Variants in FNBP1 observed in about 807,000 individuals in gnomAD.
The protein encoded by FNBP1 is formin-binding protein 1.
Under a neutral mutation model 90.6 loss-of-function variants are expected in FNBP1, and 26 were observed. The ratio of observed to expected loss-of-function variants is 0.29; its 90% CI spans 0.21 to 0.40. FNBP1 has a LOEUF of 0.40. Among genes scored for constraint, FNBP1 ranks in the 10% least tolerant of loss-of-function variants. FNBP1 has a pLI of 1.00. For synonymous variants in FNBP1, 260 were observed against 265.2 expected (o/e 0.98, Z 0.19); for missense variants, 635 against 768.0 (o/e 0.83, Z 2.05).
intron 4 of FNBP1, among the ~76,000 whole-genome samples, chr9:129,961,876 G>A (rs1009827129): frequency 6.6e-6 from 1 of 152,084 alleles, no homozygotes; most frequent in African/African-American, 2.4e-5. Context: ...GTGAGCCACC[G>A]TGCCCGGCCC....
At chr9:129,926,628 T>C (rs1302473102) in intron 8 of FNBP1, among the ~76,000 whole-genome samples, 1 of 152,138 alleles carries the variant, frequency 6.6e-6, no homozygotes, top group African/African-American at 2.4e-5. Flanking sequence ...GGTTCACACC[T>C]GTAATCCTAA....
chr9:129,902,481 T>C (rs1399930641), intron 13 of FNBP1, among the ~76,000 whole-genome samples: 1 of 152,100 alleles, frequency 6.6e-6, no homozygotes, highest in East Asian at 1.9e-4. Flanking sequence ...TATGGTGGCA[T>C]GTGCCTGTAA....
At chr9:129,928,186 TTC>T (rs1372633518) in intron 7 of FNBP1, among the ~76,000 whole-genome samples, 3 of 152,340 alleles carry the variant, frequency 2.0e-5, no homozygotes, top group Non-Finnish European at 4.4e-5. Flanking sequence ...TGTCTATCTT[TTC>T]TCATACCATT....
intron 15 of FNBP1, among the ~76,000 whole-genome samples, chr9:129,897,584 G>A (rs574053795): frequency 1.2e-4 from 19 of 152,066 alleles, no homozygotes; most frequent in Admixed American, 3.3e-4. Flanking sequence ...CAACTTTTTC[G>A]TAATTTTATT....
At chr9:130,046,580 C>CAAAA (rs56392821), upstream of FNBP1, among the ~76,000 whole-genome samples, 19 of 66,786 alleles carry the variant, frequency 2.8e-4, no homozygotes, top group South Asian at 1.4e-3. Context: ...ACTAAAAATA[C>CAAAA]AAAAAAAAAA....
At chr9:130,015,817 G>C (rs2057174607) in intron 1 of FNBP1, among the ~76,000 whole-genome samples, 2 of 152,154 alleles carry the variant, frequency 1.3e-5, no homozygotes, top group South Asian at 4.1e-4. Context: ...TGGGACTACA[G>C]GCGCAAGCCA....
At chr9:130,049,865 T>G in the FNBP1 span, among the ~76,000 whole-genome samples, 4 of 152,272 alleles carry the variant, frequency 2.6e-5, no homozygotes, top group Non-Finnish European at 4.4e-5. Flanking sequence ...TTTTCTTTTT[T>G]TGTGTGTGTT....
intron 6 of FNBP1, among the ~76,000 whole-genome samples, chr9:129,940,552 C>T (rs2044168511): frequency 6.6e-6 from 1 of 151,610 alleles, no homozygotes; most frequent in Non-Finnish European, 1.5e-5. Context: ...AATATGAATC[C>T]CAAAACCAAC....
rs1243199194 is a variant in FNBP1, at chr9:129,908,661, T to A, written c.1295+229A>T. ...TCTGCCTCCTGAGTTCAAGCAATTC[T>A]GCTGCCTCAGCCTCCTGAGTAACTG... On this transcript the variant is annotated intron_variant, in intron 12 of 16. Transcript: ENST00000446176. Among the ~76,000 whole-genome samples, 4 of 152,270 alleles carry A rather than the reference T, an allele frequency of 2.6e-5. No homozygotes were observed. In the South Asian group the frequency reaches 8.3e-4, roughly 32 times the overall value.
At chr9:129,960,405 AAAAAGAAAAAG>A in intron 4 of FNBP1, among the ~76,000 whole-genome samples, 1 of 124,230 alleles carries the variant, frequency 8.0e-6, no homozygotes, top group African/African-American at 2.8e-5. Context: ...AAAAAAAAAG[AAAAAGAAAAAG>A]AAAAAGAAAA....
intron 1 of FNBP1, among the ~76,000 whole-genome samples, chr9:130,038,749 T>C (rs947899496): frequency 6.6e-6 from 1 of 152,204 alleles, no homozygotes; most frequent in African/African-American, 2.4e-5. Flanking sequence ...CAGGTTTCTC[T>C]GTTCTCTTTC....
At chr9:130,020,148 T>C (rs903654343) in intron 1 of FNBP1, among the ~76,000 whole-genome samples, 13 of 152,208 alleles carry the variant, frequency 8.5e-5, no homozygotes, top group Non-Finnish European at 1.8e-4. Context: ...TGATGTTCAT[T>C]TTCATACCAA....
chr9:129,934,398 C>T (rs1056984890), intron 6 of FNBP1, among the ~76,000 whole-genome samples: 2 of 152,122 alleles, frequency 1.3e-5, no homozygotes, highest in Admixed American at 6.6e-5. Context: ...CCAGAATAAC[C>T]CCCGCTGCCT....
intron 10 of FNBP1, among the ~76,000 whole-genome samples, chr9:129,916,993 T>G (rs1231265692): frequency 6.6e-6 from 1 of 151,928 alleles, no homozygotes; most frequent in African/African-American, 2.4e-5. Flanking sequence ...CAGGGGTTAT[T>G]TGGAGAATTA....
intron 1 of FNBP1, among the ~76,000 whole-genome samples, chr9:130,034,890 T>C (rs2059168421): frequency 6.6e-6 from 1 of 152,200 alleles, no homozygotes; most frequent in African/African-American, 2.4e-5. Flanking sequence ...CTAATGCCTG[T>C]AATCCCAGCT....
chr9:130,000,051 C>T (rs2054598566), intron 1 of FNBP1, among the ~76,000 whole-genome samples: 2 of 152,232 alleles, frequency 1.3e-5, no homozygotes. Flanking sequence ...ATCATAGCTT[C>T]TCAAAGGCTA....
chr9:130,016,241 G>A (rs1031461706), intron 1 of FNBP1, among the ~76,000 whole-genome samples: 3 of 152,130 alleles, frequency 2.0e-5, no homozygotes, highest in Non-Finnish European at 4.4e-5. Flanking sequence ...TGGGCCCTTT[G>A]GGAGGTGATT....
intron 1 of FNBP1, among the ~76,000 whole-genome samples, chr9:130,012,339 T>A (rs1026335591): frequency 1.3e-5 from 2 of 152,178 alleles, no homozygotes; most frequent in Non-Finnish European, 2.9e-5. Flanking sequence ...ATGCTTAGCA[T>A]ATGCCTGGCA....
At chr9:129,979,802 G>T (rs111260924) in intron 2 of FNBP1, among the ~76,000 whole-genome samples, 3 of 151,924 alleles carry the variant, frequency 2.0e-5, no homozygotes, top group Non-Finnish European at 4.4e-5. Context: ...ACCACATCTG[G>T]CTAATTTTTT....
Sources: allele counts gnomAD v4.1 joint callset (sites outside exome capture counted in the v4.1 genomes callset), GRCh38; gene constraint gnomAD v4.1.1; transcripts MANE v1.5; gene names NCBI Gene and HGNC (gene_info 2026-07-23, HGNC 2026-07-21).